Variants in AKAP13 observed in about 807,000 individuals in gnomAD.
AKAP13 encodes A-kinase anchoring protein 13.
Under a neutral mutation model 264.5 loss-of-function variants are expected in AKAP13, and 80 were observed. The ratio of observed to expected loss-of-function variants is 0.30; its 90% CI spans 0.25 to 0.36. The LOEUF (loss-of-function observed/expected upper bound fraction) is 0.36. AKAP13 is among the 10% of genes least tolerant of loss of function. The probability of loss-of-function intolerance (pLI) is 1.00; values close to 1 mark genes in which losing one functional copy is unlikely to be tolerated. For synonymous variants in AKAP13, 1,380 were observed against 1,250.2 expected (o/e 1.10, Z -2.19); for missense variants, 3,712 against 3,435.2 (o/e 1.08, Z -2.01).
At chr15:85,612,432 G>T (rs899534281) in intron 8 of AKAP13, among the ~76,000 whole-genome samples, 2 of 151,970 alleles carry the variant, frequency 1.3e-5, no homozygotes, top group African/African-American at 4.8e-5. Flanking sequence ...AATCACATAC[G>T]CATTTTGCAC....
chr15:85,587,464 T>C (rs994382012), intron 8 of AKAP13, among the ~76,000 whole-genome samples: 1 of 152,250 alleles, frequency 6.6e-6, no homozygotes, highest in African/African-American at 2.4e-5. Context: ...TTGTTTCCAC[T>C]TTTTGGCTAC....
chr15:85,681,593 G>C (rs1409231749), intron 14 of AKAP13, among the ~76,000 whole-genome samples: 1 of 151,898 alleles, frequency 6.6e-6, no homozygotes, highest in Non-Finnish European at 1.5e-5. Flanking sequence ...TCATTTCACA[G>C]ATGAGGAAAT....
At chr15:85,663,121 A>C (rs370504377) in intron 12 of AKAP13, among the ~76,000 whole-genome samples, 1 of 152,054 alleles carries the variant, frequency 6.6e-6, no homozygotes, top group East Asian at 1.9e-4. Context: ...ACCAGCCTGA[A>C]AAACGTGGTG....
In AKAP13 at chr15:85,581,676, C is replaced by T. The variant is rs1228032793; in HGVS notation, c.3608C>T (p.Ala1203Val). The T allele has an allele frequency of 1.2e-6, 2 of 1,614,140 alleles. No individual in the cohort carries two copies. Among genetic ancestry groups the T allele is most frequent in the East Asian group, 4.5e-5 (2 of 44,884 alleles). The change falls in exon 7 of 37, where the codon GCC becomes GTC. Residue 1203 changes from alanine to valine, a missense_variant. By Grantham distance (64) the Ala-to-Val change is moderately conservative. Coordinates refer to ENST00000394518, the MANE Select transcript of AKAP13 (RefSeq NM_007200.5). ...CTCCCCACAGACATGGAGCTCTCAGCCCATGATGATGGGGCCCCAGCTGGT... is the reference window on the plus strand; with the variant it reads ...CTCCCCACAGACATGGAGCTCTCAGTCCATGATGATGGGGCCCCAGCTGGT... ...KELPTDMELS[A>V]HDDGAPAGVR...
Position 85,645,832 on chromosome 15 carries a change from C to G in AKAP13, c.4252C>G (p.Leu1418Val). Residue 1418 changes from leucine to valine, a missense_variant, in exon 10 of 37, where the codon CTG (leucine) becomes GTG (valine). Transcript: ENST00000394518. ...CTCTTTTTCAGAATGTGAGAACTTCCTGGATGTTGGACTGGGCAGAGAGTG... is the reference window on the plus strand; with the variant it reads ...CTCTTTTTCAGAATGTGAGAACTTCGTGGATGTTGGACTGGGCAGAGAGTG... ...SKQSPECENF[L>V]DVGLGRECTS... 6.9e-6 allele frequency: 11 copies of G among 1,602,536 alleles called. No homozygotes were observed. The highest frequency in any genetic ancestry group is 7.7e-6 in the Non-Finnish European group (9 of 1,175,576).
At position 85,579,661 on chromosome 15, in the gene AKAP13, C is replaced by G. The variant is rs1053867728; in HGVS notation, c.1593C>G (p.Ile531Met). 6.2e-7 allele frequency: 1 copy of G among 1,614,190 alleles called. No individual in the cohort carries two copies. Among genetic ancestry groups the G allele is most frequent in the Non-Finnish European group, 8.5e-7 (1 of 1,180,030 alleles). The change falls in exon 7 of 37, where the codon ATC becomes ATG. Residue 531 changes from isoleucine (I) to methionine (M), a missense_variant. Transcript: ENST00000394518. ...TCACAAGTAAGCCTGTGGATAAAAT[C>G]AGTGTTCCAAACTGTGCCCCTGCTG... ...VHVTSKPVDK[I>M]SVPNCAPAAS...
chr15:85,666,270 T>C (rs2083592914), intron 13 of AKAP13, among the ~76,000 whole-genome samples: 1 of 152,230 alleles, frequency 6.6e-6, no homozygotes, highest in Non-Finnish European at 1.5e-5. Flanking sequence ...ATTTCTCTGA[T>C]GGCCAGTGAT....
intron 8 of AKAP13, among the ~76,000 whole-genome samples, chr15:85,615,845 G>T (rs1331754880): frequency 6.6e-6 from 1 of 152,172 alleles, no homozygotes; most frequent in Non-Finnish European, 1.5e-5. Context: ...ATTAGAGCAA[G>T]AAGGATCTTC....
In AKAP13 at chr15:85,741,387, C is replaced by T. The variant is rs773999248; in HGVS notation, c.7950C>T (p.Asp2650=). The T allele has an allele frequency of 2.1e-5, 34 of 1,613,872 alleles. No homozygotes were observed. The highest frequency in any genetic ancestry group is 1.0e-4 in the Admixed American group (6 of 60,000). Reference sequence around the variant, plus strand: ...AGAAGAAGGGCACATACCAGTATGACCTGGAGCGACTGCGTGCTGCCCAGA... The same window carrying T: ...AGAAGAAGGGCACATACCAGTATGATCTGGAGCGACTGCGTGCTGCCCAGA... ...LQQKKGTYQY[D]LERLRAAQKQ... is the part of the protein sequence containing the mutation. Residue 2650 remains aspartate, a synonymous_variant, in exon 35 of 37, where the codon GAC becomes GAT. Transcript: ENST00000394518.
At chr15:85,417,731 G>T (rs951029096) in intron 1 of AKAP13, among the ~76,000 whole-genome samples, 1 of 152,194 alleles carries the variant, frequency 6.6e-6, no homozygotes, top group Admixed American at 6.5e-5. Flanking sequence ...CTCACCAGGA[G>T]CCAGTGAAGA....
intron 1 of AKAP13, among the ~76,000 whole-genome samples, chr15:85,430,816 T>C (rs189309941): frequency 1.3e-5 from 2 of 152,322 alleles, no homozygotes; most frequent in African/African-American, 2.4e-5. Flanking sequence ...GCTGTTGTTA[T>C]CCACATTTTG....
intron 1 of AKAP13, among the ~76,000 whole-genome samples, chr15:85,451,381 G>T (rs2074084045): frequency 6.6e-6 from 1 of 152,178 alleles, no homozygotes; most frequent in Admixed American, 6.5e-5. Flanking sequence ...TTCAAGATTA[G>T]TAATGGTGTG....
At chr15:85,494,076 T>C (rs1343842538) in intron 2 of AKAP13, among the ~76,000 whole-genome samples, 1 of 152,154 alleles carries the variant, frequency 6.6e-6, no homozygotes, top group East Asian at 1.9e-4. Flanking sequence ...GAAACAACTT[T>C]AGAGGGGGAA....
At chr15:85,695,033 T>A (rs1303147292) in intron 17 of AKAP13, among the ~76,000 whole-genome samples, 1 of 152,098 alleles carries the variant, frequency 6.6e-6, no homozygotes, top group Non-Finnish European at 1.5e-5. Context: ...CATCAAGTGA[T>A]CTTCTGGCTC....
chr15:85,395,158 A>G (rs1281380010), intron 1 of AKAP13, among the ~76,000 whole-genome samples: 1 of 151,880 alleles, frequency 6.6e-6, no homozygotes, highest in African/African-American at 2.4e-5. Context: ...GAGAAACCTT[A>G]CTTAGTATGT....
chr15:85,478,881 A>G (rs1374366704), intron 1 of AKAP13, among the ~76,000 whole-genome samples: 1 of 152,090 alleles, frequency 6.6e-6, no homozygotes, highest in Non-Finnish European at 1.5e-5. Flanking sequence ...TCCAGAGCAA[A>G]GGATCACCAG....
intron 14 of AKAP13, among the ~76,000 whole-genome samples, chr15:85,675,108 A>G (rs1236628292): frequency 6.6e-6 from 1 of 152,184 alleles, no homozygotes; most frequent in African/African-American, 2.4e-5. Context: ...TCCATATGTC[A>G]GGGATACTCT....
chr15:85,614,463 T>G (rs942263504), intron 8 of AKAP13, among the ~76,000 whole-genome samples: 1 of 152,224 alleles, frequency 6.6e-6, no homozygotes, highest in African/African-American at 2.4e-5. Context: ...AAGTGGAATG[T>G]CAAATATTGA....
At chr15:85,706,467 T>C (rs143512213) in intron 17 of AKAP13, among the ~76,000 whole-genome samples, 1 of 152,280 alleles carries the variant, frequency 6.6e-6, no homozygotes, top group East Asian at 1.9e-4. Flanking sequence ...GATTCCTCCT[T>C]TTTAATTTTA....
Sources: allele counts gnomAD v4.1 joint callset (sites outside exome capture counted in the v4.1 genomes callset), GRCh38; gene constraint gnomAD v4.1.1; transcripts MANE v1.5; gene names NCBI Gene and HGNC (gene_info 2026-07-23, HGNC 2026-07-21).